The following OC90 variants were observed in gnomAD, a reference collection of about 807,000 sequenced individuals.
OC90 encodes otoconin 90.
OC90 carries 46 observed loss-of-function variants against 47.3 expected under a neutral mutation model. The observed-to-expected ratio is 0.97, with a 90% confidence interval of 0.77 to 1.24. The LOEUF (loss-of-function observed/expected upper bound fraction) is 1.24, where lower values mean the gene tolerates loss of function less well. OC90 is among the 50% of genes most tolerant of loss of function. The probability of loss-of-function intolerance (pLI) is 0.00; values close to 1 mark genes in which losing one functional copy is unlikely to be tolerated. For missense variants in OC90, 688 were observed against 583.9 expected, an observed-to-expected ratio of 1.18 and a Z score of -1.84; for synonymous variants, 271 against 219.5, an observed-to-expected ratio of 1.23 and a Z score of -2.07.
chr8:132,045,439 C>T (rs1350779570), intron 3 of OC90, among the ~76,000 whole-genome samples: 5 of 152,148 alleles, frequency 3.3e-5, no homozygotes, highest in Non-Finnish European at 5.9e-5. Flanking sequence ...TCCTTTTTTA[C>T]AACCAGAGCA....
At position 132,024,709 on chromosome 8, in the gene OC90, G is replaced by C; in HGVS notation, c.1206C>G (p.Thr402=). 1 of 1,613,838 alleles carries C rather than the reference G, an allele frequency of 6.2e-7. No homozygotes were observed. The highest frequency in any genetic ancestry group is 8.5e-7 in the Non-Finnish European group (1 of 1,179,788). The change falls in exon 14 of 14, where the codon ACC becomes ACG. Residue 402 remains threonine, a synonymous_variant. Coordinates refer to ENST00000254627, the MANE Select transcript of OC90 (RefSeq NM_001080399.3). ...ACDQTAAECM[T]SASFNQSLKS... is the part of the protein sequence containing the mutation. ...TGAGGCTTTGGTTAAAGGAGGCAGA[G>C]GTCATGCACTCAGCTGCCGTCTGGT...
chr8:132,046,211 C>T (rs1418535620), intron 2 of OC90, among the ~76,000 whole-genome samples: 1 of 151,984 alleles, frequency 6.6e-6, no homozygotes, highest in Non-Finnish European at 1.5e-5. Flanking sequence ...TTGTTTTGGA[C>T]TTTCTTGACA....
Position 132,041,613 on chromosome 8 carries a change from C to T in OC90, c.256G>A (p.Val86Met). The change falls in exon 5 of 14, where the codon GTG (valine) becomes ATG (methionine). Residue 86 changes from valine (V) to methionine (M), a missense_variant. Val to Met is a conservative substitution (Grantham distance 21). Coordinates refer to ENST00000254627, the MANE Select transcript of OC90 (RefSeq NM_001080399.3). ...LIQFVNGMKC[V>M]AGLCPRDFED... ...AAGTCTCGGGGGCAGAGACCAGCCA[C>T]ACACTTCATACCATTGACAAACTGG... 6.2e-7 allele frequency: 1 copy of T among 1,612,234 alleles called. No individual in the cohort carries two copies. The highest frequency in any genetic ancestry group is 2.2e-5 in the East Asian group (1 of 44,728).
intron 13 of OC90, among the ~76,000 whole-genome samples, chr8:132,027,281 C>T (rs1822774366): frequency 6.6e-6 from 1 of 152,138 alleles, no homozygotes; most frequent in African/African-American, 2.4e-5. Flanking sequence ...TTTCCTGGTT[C>T]CTGGTGAAGG....
chr8:132,038,318 C>A (rs1822999188), intron 8 of OC90, among the ~76,000 whole-genome samples: 1 of 152,150 alleles, frequency 6.6e-6, no homozygotes, highest in Non-Finnish European at 1.5e-5. Context: ...ACCCAGGCTG[C>A]CCCTTTTGCT....
At chr8:132,053,593 T>G (rs560550535) in intron 2 of OC90, among the ~76,000 whole-genome samples, 4 of 152,282 alleles carry the variant, frequency 2.6e-5, no homozygotes, top group Non-Finnish European at 2.9e-5. Flanking sequence ...ACCGAAAAGA[T>G]CAACCAGGAT....
At chr8:132,045,633 A>C (rs1233597282) in intron 3 of OC90, among the ~76,000 whole-genome samples, 185 bp downstream of exon 3, 1 of 152,148 alleles carries the variant, frequency 6.6e-6, no homozygotes, top group East Asian at 1.9e-4. Context: ...TTGTGAGAAA[A>C]AGGTTGGGCC....
intron 2 of OC90, chr8:132,049,729 C>T: frequency 4.2e-6 from 2 of 478,256 alleles, no homozygotes; most frequent in Non-Finnish European, 8.8e-6. Flanking sequence ...TTCTTCACAC[C>T]TTCCATTCCC....
intron 6 of OC90, among the ~76,000 whole-genome samples, chr8:132,039,560 C>T (rs1823023716): frequency 6.6e-6 from 1 of 152,134 alleles, no homozygotes; most frequent in Non-Finnish European, 1.5e-5. Flanking sequence ...TCAGAACGTC[C>T]CAGCGTCTTC....
intron 8 of OC90, among the ~76,000 whole-genome samples, chr8:132,037,976 A>T (rs540985086): frequency 6.6e-6 from 1 of 152,178 alleles, no homozygotes; most frequent in Non-Finnish European, 1.5e-5. Flanking sequence ...ACACTCATGC[A>T]TGCACACATA....
intron 6 of OC90, among the ~76,000 whole-genome samples, chr8:132,040,018 G>A (rs969595936): frequency 2.0e-5 from 3 of 152,200 alleles, no homozygotes; most frequent in Non-Finnish European, 2.9e-5. Flanking sequence ...CAGAAGGTCA[G>A]GCTATCCCCA....
chr8:132,041,599 G>T lies in OC90; in HGVS notation c.270C>A (p.Cys90Ter), dbSNP rs778092335. The change falls in exon 5 of 14, where the codon TGC becomes TGA. Residue 90 changes from cysteine (C) to a stop codon, truncating the protein, a stop_gained. Transcript: ENST00000254627. LOFTEE classifies it high-confidence loss of function. ...VNGMKCVAGL[C>*]PRDFEDYGCT... is the part of the protein sequence containing the mutation. ...AACCATAGTCTTCAAAGTCTCGGGG[G>T]CAGAGACCAGCCACACACTTCATAC... 2.5e-6 allele frequency: 4 copies of T among 1,613,044 alleles called. No homozygotes were observed. Among genetic ancestry groups the T allele is most frequent in the Non-Finnish European group, 2.5e-6 (3 of 1,179,586 alleles).
chr8:132,042,549 G>A (rs1356515431), intron 4 of OC90, among the ~76,000 whole-genome samples: 1 of 152,030 alleles, frequency 6.6e-6, no homozygotes, highest in African/African-American at 2.4e-5. Flanking sequence ...CCTGACTAGT[G>A]GTCCCAGCGT....
In OC90 at chr8:132,037,676, G is replaced by A. The variant is rs989402057; in HGVS notation, c.629-188C>T. ...GCCCCTGTTACTCCTCCCAGAGCAC[G>A]GAGTGCCCTGCAAGATCCCAGCTCA... is the stretch of plus-strand genomic sequence containing the variant. On this transcript the variant is annotated intron_variant, in intron 8 of 13. Coordinates refer to ENST00000254627, the MANE Select transcript of OC90 (RefSeq NM_001080399.3). 2.6e-5 allele frequency among the ~76,000 whole-genome samples: 4 copies of A among 152,178 alleles called. No homozygotes were observed. The East Asian group carries it at 7.7e-4, about 29-fold the overall frequency.
chr8:132,036,554 T>G, intron 9 of OC90: 1 of 672,076 alleles, frequency 1.5e-6, no homozygotes, highest in South Asian at 1.7e-5. Flanking sequence ...GGCTGCACAA[T>G]GGTGTTCACC....
At chr8:132,047,436 G>A (rs1429423901) in intron 2 of OC90, among the ~76,000 whole-genome samples, 1 of 152,034 alleles carries the variant, frequency 6.6e-6, no homozygotes, top group Non-Finnish European at 1.5e-5. Context: ...ATTTCTTAAT[G>A]CAACATTTTA....
At chr8:132,035,521 C>T (rs4736532) in intron 9 of OC90, among the ~76,000 whole-genome samples, 54,016 of 151,966 alleles carry the variant, frequency 0.36, 10,193 homozygotes, top group East Asian at 0.51. Context: ...TCTGGCTGTG[C>T]CACACGAAAA....
intron 8 of OC90, among the ~76,000 whole-genome samples, chr8:132,038,589 C>A (rs1452757013): frequency 6.6e-6 from 1 of 152,210 alleles, no homozygotes; most frequent in African/African-American, 2.4e-5. Context: ...TGAGTTTGCA[C>A]TGGGGCCATT....
intron 4 of OC90, among the ~76,000 whole-genome samples, chr8:132,043,956 C>A (rs1823095612): frequency 6.6e-6 from 1 of 152,120 alleles, no homozygotes; most frequent in African/African-American, 2.4e-5. Flanking sequence ...ATCATAGTGT[C>A]CTGATAGTCA....
Sources: gnomAD v4.1 joint callset for allele counts (sites outside exome capture counted in the v4.1 genomes callset) on GRCh38, gnomAD v4.1.1 for gene constraint, MANE v1.5 for transcripts, NCBI Gene and HGNC (gene_info 2026-07-23, HGNC 2026-07-21) for gene names.